The following RDH12 variants were observed in gnomAD, a reference collection of about 807,000 sequenced individuals.
RDH12 encodes all-trans and 9-cis retinol dehydrogenase.
Under a neutral mutation model 34.0 loss-of-function variants are expected in RDH12, and 21 were observed. The ratio of observed to expected loss-of-function variants is 0.62; its 90% CI spans 0.44 to 0.89. RDH12 has a LOEUF of 0.89. Among genes scored for constraint, RDH12 ranks in the 40% least tolerant of loss-of-function variants. The pLI, the probability that RDH12 is intolerant of heterozygous loss-of-function variation, is 0.00. For synonymous variants in RDH12, 198 were observed against 169.9 expected (o/e 1.17, Z -1.29); for missense variants, 394 against 398.6 (o/e 0.99, Z 0.10).
Position 67,722,420 on chromosome 14 carries a change from C to G in RDH12, c.-219-4C>G. The G allele has an allele frequency of 1.6e-6, 1 of 614,416 alleles. No individual in the cohort carries two copies. The highest frequency in any genetic ancestry group is 2.9e-6 in the Non-Finnish European group (1 of 342,732). 38.1% of individuals were successfully genotyped at this position (614,416 alleles called of 1,614,324 possible). On this transcript the variant is annotated splice_region_variant and splice_polypyrimidine_tract_variant and intron_variant, in intron 2 of 8. Transcript: ENST00000551171. The stretch of plus-strand genomic sequence containing the variant: ...AAACCTTGACTCCATCCCCTCCCCA[C>G]CAGGACTACATCTCCCAGCAGGCTG...
At chr14:67,712,057 T>TA (rs1017019181) in intron 1 of RDH12, among the ~76,000 whole-genome samples, 115 of 152,192 alleles carry the variant, frequency 7.6e-4, no homozygotes, top group African/African-American at 2.7e-3. Context: ...GTAGTTGGGA[T>TA]TACAGACATG....
At chr14:67,721,722 A>G (rs1411816959) in intron 2 of RDH12, among the ~76,000 whole-genome samples, 1 of 128,074 alleles carries the variant, frequency 7.8e-6, no homozygotes, top group Non-Finnish European at 1.6e-5. Flanking sequence ...ATAATTGAAC[A>G]CTTAGAACAA....
At position 67,708,789 on chromosome 14, in the gene RDH12, A is replaced by C. The variant is rs143367286; in HGVS notation, c.-275+6854A>C. 5.5e-3 allele frequency among the ~76,000 whole-genome samples: 813 copies of C among 148,056 alleles called. 8 individuals are homozygous for C. Among genetic ancestry groups the C allele is most frequent in the African/African-American group, 0.018 (719 of 40,990 alleles). On this transcript the variant is annotated intron_variant, in intron 1 of 8. Coordinates refer to ENST00000551171, the MANE Select transcript of RDH12 (RefSeq NM_152443.3). ...TTCGGACTCTAGGGAACCTATTAATAATACCTTTTTTTTTTTTTTTTTGAG... is the reference window on the plus strand; with the variant it reads ...TTCGGACTCTAGGGAACCTATTAATCATACCTTTTTTTTTTTTTTTTTGAG...
chr14:67,731,372 G>A (rs1472871553), intron 8 of RDH12, among the ~76,000 whole-genome samples: 1 of 151,632 alleles, frequency 6.6e-6, no homozygotes, highest in African/African-American at 2.4e-5. Context: ...ATGCCACGAC[G>A]CCCAGCTAGT....
intron 1 of RDH12, among the ~76,000 whole-genome samples, chr14:67,703,871 T>C (rs1191594177): frequency 2.6e-5 from 4 of 152,060 alleles, no homozygotes; most frequent in Non-Finnish European, 1.5e-5. Context: ...AGAGATGGGG[T>C]TTTGCCATGT....
chr14:67,731,214 T>C (rs1351604796), intron 8 of RDH12, among the ~76,000 whole-genome samples: 4 of 140,096 alleles, frequency 2.9e-5, no homozygotes, highest in African/African-American at 5.3e-5. Context: ...TTTCTTTTTT[T>C]TTTTTTTTTT....
At position 67,724,596 on chromosome 14, in the gene RDH12, G is replaced by C; in HGVS notation, c.187+5G>C. 2 of 1,607,534 alleles carry C rather than the reference G, an allele frequency of 1.2e-6. No homozygotes were observed. The highest frequency in any genetic ancestry group is 1.7e-4 in the Middle Eastern group (1 of 6,058). On this transcript the variant is annotated splice_donor_5th_base_variant and intron_variant, in intron 4 of 8. Coordinates refer to ENST00000551171, the MANE Select transcript of RDH12 (RefSeq NM_152443.3). ...CCAGAGAGCTCGCTAGCCGAGGTAA[G>C]TGTTTCCCCTTTAGTCTCCAAAGGG... is the stretch of plus-strand genomic sequence containing the variant.
chr14:67,727,122 G>T lies in RDH12; in HGVS notation c.590G>T (p.Gly197Val), dbSNP rs867284235. The T allele has an allele frequency of 5.6e-6, 9 of 1,614,090 alleles. No individual in the cohort carries two copies. In the African/African-American group the frequency reaches 1.2e-4, roughly 22 times the overall value. The stretch of plus-strand genomic sequence containing the variant: ...CAGAGCGAGAAGCGCTACAGCAGGG[G>T]TTTTGCCTATTGCCACAGCAAGCTG... ...DLQSEKRYSR[G>V]FAYCHSKLAN... Residue 197 changes from glycine to valine, a missense_variant, in exon 7 of 9, where the codon GGT (glycine) becomes GTT (valine). Transcript: ENST00000551171.
intron 1 of RDH12, among the ~76,000 whole-genome samples, chr14:67,710,455 G>A (rs887666292): frequency 4.6e-5 from 7 of 152,064 alleles, no homozygotes; most frequent in African/African-American, 1.4e-4. Context: ...TAGACCTTTT[G>A]TGACATGCTT....
chr14:67,705,895 A>G (rs888141058), intron 1 of RDH12: 3 of 152,234 alleles, frequency 2.0e-5, no homozygotes, highest in Non-Finnish European at 2.9e-5. Context: ...AAAAGTATAC[A>G]GCCAAAAATA....
At chr14:67,725,034 A>C (rs761061136) in intron 4 of RDH12, 65 bp from the exon 5 acceptor site, 14 of 1,573,538 alleles carry the variant, frequency 8.9e-6, no homozygotes, top group African/African-American at 1.4e-5. Flanking sequence ...TCCCAAGCTC[A>C]CTTACTATAC....
chr14:67,727,971 G>C (rs1028219038), intron 7 of RDH12: 1 of 152,256 alleles, frequency 6.6e-6, no homozygotes, highest in African/African-American at 2.4e-5. Context: ...CAGACCCCTG[G>C]GTCCAAGTTC....
intron 8 of RDH12, among the ~76,000 whole-genome samples, chr14:67,732,166 G>A (rs1412500792): frequency 6.6e-6 from 1 of 151,312 alleles, no homozygotes; most frequent in East Asian, 1.9e-4. Context: ...GCTGGGTGTG[G>A]CGGCTCATGC....
chr14:67,709,907 C>A (rs951811840), intron 1 of RDH12, among the ~76,000 whole-genome samples: 1 of 152,178 alleles, frequency 6.6e-6, no homozygotes, highest in African/African-American at 2.4e-5. Flanking sequence ...TAGGGCAAAC[C>A]TGCCTTCCAT....
intron 1 of RDH12, among the ~76,000 whole-genome samples, chr14:67,707,771 A>G (rs1413344871): frequency 6.6e-6 from 1 of 152,218 alleles, no homozygotes; most frequent in African/African-American, 2.4e-5. Context: ...TCAAATACCT[A>G]TGAATTGAGT....
intron 1 of RDH12, among the ~76,000 whole-genome samples, chr14:67,717,141 T>A (rs564919105): frequency 1.8e-4 from 27 of 152,334 alleles, no homozygotes; most frequent in African/African-American, 6.5e-4. Flanking sequence ...TATTTAGTTT[T>A]TTTTCCTTTG....
At position 67,724,497 on chromosome 14, in the gene RDH12, T is replaced by G. The variant is rs1477923898; in HGVS notation, c.93T>G (p.Cys31Trp). The change falls in exon 4 of 9, where the codon TGT becomes TGG. Residue 31 changes from cysteine (C) to tryptophan (W), a missense_variant. Cys to Trp is a radical substitution (Grantham distance 215). Transcript: ENST00000551171. ...GGAAGTTCTTTGCTGGTGGAGTGTG[T>G]AGAACAAATGTGCAGCTTCCTGGCA... ...SIRKFFAGGV[C>W]RTNVQLPGKV... The G allele has an allele frequency of 1.2e-6, 2 of 1,612,376 alleles. No homozygotes were observed. Among genetic ancestry groups the G allele is most frequent in the East Asian group, 4.5e-5 (2 of 44,662 alleles).
At chr14:67,709,137 A>G (rs572010370) in intron 1 of RDH12, among the ~76,000 whole-genome samples, 1 of 152,384 alleles carries the variant, frequency 6.6e-6, no homozygotes, top group Admixed American at 6.5e-5. Flanking sequence ...GACATAATTT[A>G]TAGTTTGATT....
chr14:67,732,870 C>T (rs1199728069), intron 8 of RDH12, among the ~76,000 whole-genome samples: 2 of 152,206 alleles, frequency 1.3e-5, no homozygotes, highest in South Asian at 2.1e-4. Context: ...TGTGAGCCAC[C>T]GTGCCCAGCC....
Sources: allele counts gnomAD v4.1 joint callset (sites outside exome capture counted in the v4.1 genomes callset), GRCh38; gene constraint gnomAD v4.1.1; transcripts MANE v1.5; gene names NCBI Gene and HGNC (gene_info 2026-07-23, HGNC 2026-07-21).